The following LDLRAD4 variants were observed in gnomAD, a reference collection of about 807,000 sequenced individuals.
LDLRAD4 encodes low density lipoprotein receptor class A domain containing 4, also known as low-density lipoprotein receptor class A domain-containing protein 4.
In LDLRAD4, 5 loss-of-function variants were observed where a neutral mutation model predicts 17.0. That is an observed-to-expected ratio of 0.29 (90% CI 0.15 to 0.62). The LOEUF (loss-of-function observed/expected upper bound fraction) is 0.62. Ranked by LOEUF, LDLRAD4 falls within the 20% of genes least tolerant of loss-of-function variation. The probability of loss-of-function intolerance (pLI) is 0.84; values close to 1 mark genes in which losing one functional copy is unlikely to be tolerated. For synonymous variants in LDLRAD4, 168 were observed against 171.8 expected (o/e 0.98, Z 0.17); for missense variants, 340 against 424.7 (o/e 0.80, Z 1.75).
chr18:13,233,493 C>A (rs1050576724), intron 1 of LDLRAD4, among the ~76,000 whole-genome samples: 2 of 152,110 alleles, frequency 1.3e-5, no homozygotes, highest in African/African-American at 4.8e-5. Flanking sequence ...GTCTCTGGTG[C>A]TCCTGTGACC....
chr18:13,645,089 C>T lies in LDLRAD4; in HGVS notation c.391-38C>T. 1 of 1,549,156 alleles carries T rather than the reference C, an allele frequency of 6.5e-7. No individual in the cohort carries two copies. Among genetic ancestry groups the T allele is most frequent in the African/African-American group, 1.4e-5 (1 of 73,786 alleles). On this transcript the variant is annotated intron_variant, in intron 5 of 5. Coordinates refer to ENST00000359446, the Ensembl canonical transcript of LDLRAD4. This position sits in a 1 kb window ranked among gnomAD's most constrained non-coding sequence, Gnocchi z 5.7. ...TGACACATTTATGGTCATCATTGCG[C>T]TCAAACTGTCTTCAAGCCTCTCCTC...
At chr18:13,604,275 A>G (rs2095197527) in intron 3 of LDLRAD4, among the ~76,000 whole-genome samples, 1 of 152,232 alleles carries the variant, frequency 6.6e-6, no homozygotes, top group Non-Finnish European at 1.5e-5. Context: ...GTTTATAAGC[A>G]AGACAGAGAG....
chr18:13,372,884 G>A (rs527792961), intron 1 of LDLRAD4, among the ~76,000 whole-genome samples: 6 of 152,308 alleles, frequency 3.9e-5, no homozygotes, highest in African/African-American at 9.6e-5. Context: ...GGGCCGAGGC[G>A]GCATGGCCTG....
At chr18:13,640,837 G>C (rs969673790) in intron 4 of LDLRAD4, among the ~76,000 whole-genome samples, 6 of 152,224 alleles carry the variant, frequency 3.9e-5, no homozygotes, top group African/African-American at 1.4e-4. Flanking sequence ...GAGAGGGAAC[G>C]GAGAAGAGGG....
At chr18:13,636,244 C>T (rs989434145) in intron 4 of LDLRAD4, among the ~76,000 whole-genome samples, 1 of 151,984 alleles carries the variant, frequency 6.6e-6, no homozygotes, top group African/African-American at 2.4e-5. Flanking sequence ...GCTCAAGTCC[C>T]GCAGTCTGTC....
chr18:13,242,538 AC>A (rs893276840), intron 1 of LDLRAD4, among the ~76,000 whole-genome samples: 39 of 152,306 alleles, frequency 2.6e-4, no homozygotes, highest in Admixed American at 1.8e-3. Flanking sequence ...GTAATATTTT[AC>A]CCTTTAAAAT....
chr18:13,590,013 CTGTGCATGTGTATGGG>C (rs1475064936), intron 3 of LDLRAD4, among the ~76,000 whole-genome samples: 3,053 of 145,274 alleles, frequency 0.021, 82 homozygotes, highest in African/African-American at 0.073. Context: ...ACGTGTGTGG[CTGTGCATGTGTATGGG>C]TGTGCATGTG....
intron 3 of LDLRAD4, 147 bp from the exon 5 acceptor site, chr18:13,620,969 AC>A: frequency 8.9e-7 from 1 of 1,119,016 alleles, no homozygotes; most frequent in South Asian, 1.4e-5. Flanking sequence ...CTAAAGTGGG[AC>A]AGTCGTTTCT....
chr18:13,620,271 T>C (rs1188956526), intron 3 of LDLRAD4, among the ~76,000 whole-genome samples: 2 of 152,220 alleles, frequency 1.3e-5, no homozygotes, highest in Non-Finnish European at 2.9e-5. Flanking sequence ...GCACAGTTGA[T>C]GGCTTCTCTC....
chr18:13,284,306 G>A (rs988258139), intron 1 of LDLRAD4, among the ~76,000 whole-genome samples: 13 of 152,098 alleles, frequency 8.5e-5, no homozygotes, highest in Non-Finnish European at 1.9e-4. Context: ...CCTGAGACCT[G>A]GGCCTCGTCT....
chr18:13,352,020 T>G (rs1599612360), intron 1 of LDLRAD4, among the ~76,000 whole-genome samples: 1 of 152,162 alleles, frequency 6.6e-6, no homozygotes, highest in East Asian at 1.9e-4. Context: ...AACCACATGA[T>G]CATCTCAATA....
At chr18:13,480,605 C>G (rs965570364) in intron 3 of LDLRAD4, among the ~76,000 whole-genome samples, 1 of 152,104 alleles carries the variant, frequency 6.6e-6, no homozygotes, top group Non-Finnish European at 1.5e-5. Flanking sequence ...CGTAATGATG[C>G]GCCACTCTGT....
At chr18:13,361,232 C>T (rs549106289) in intron 1 of LDLRAD4, among the ~76,000 whole-genome samples, 4 of 152,288 alleles carry the variant, frequency 2.6e-5, no homozygotes, top group East Asian at 3.9e-4. Flanking sequence ...CGCCCACACT[C>T]GGCTAATTTT....
chr18:13,572,240 G>A (rs1036314350), intron 3 of LDLRAD4, among the ~76,000 whole-genome samples: 1 of 152,216 alleles, frequency 6.6e-6, no homozygotes, highest in African/African-American at 2.4e-5. Context: ...ATGGGTTTAA[G>A]TTTATAGTGC....
At chr18:13,306,578 A>G (rs993535959) in intron 1 of LDLRAD4, among the ~76,000 whole-genome samples, 4 of 152,230 alleles carry the variant, frequency 2.6e-5, no homozygotes, top group Non-Finnish European at 5.9e-5. Context: ...ACGGCGTTCT[A>G]TGGAAAGGAT....
At chr18:13,596,949 G>A (rs917360701) in intron 3 of LDLRAD4, among the ~76,000 whole-genome samples, 1 of 152,168 alleles carries the variant, frequency 6.6e-6, no homozygotes, top group Non-Finnish European at 1.5e-5. Flanking sequence ...AGTTAATTAA[G>A]AGAAGAAGGA....
intron 3 of LDLRAD4, among the ~76,000 whole-genome samples, chr18:13,568,525 T>G (rs2094638466): frequency 6.6e-6 from 1 of 152,132 alleles, no homozygotes; most frequent in South Asian, 2.1e-4. Context: ...AAATGATACA[T>G]GCCTCCTTCC....
At chr18:13,482,591 C>T (rs759944503) in intron 3 of LDLRAD4, among the ~76,000 whole-genome samples, 7 of 152,146 alleles carry the variant, frequency 4.6e-5, no homozygotes, top group African/African-American at 1.2e-4. Context: ...CTGAGAGGGC[C>T]GGGTCAGAGC....
intron 3 of LDLRAD4, among the ~76,000 whole-genome samples, chr18:13,455,991 C>T (rs764456789): frequency 1.3e-5 from 2 of 152,210 alleles, no homozygotes; most frequent in Non-Finnish European, 2.9e-5. Flanking sequence ...CAGGAGCGCC[C>T]GCCATGTCCC....
Sources: allele counts gnomAD v4.1 joint callset (sites outside exome capture counted in the v4.1 genomes callset), GRCh38; gene constraint gnomAD v4.1.1; non-coding constraint Gnocchi (gnomAD v3.1); transcripts MANE v1.5; gene names NCBI Gene and HGNC (gene_info 2026-07-23, HGNC 2026-07-21).